MFHAS1: variants seen among roughly 807,000 people sequenced by gnomAD.
MFHAS1 encodes the protein multifunctional ROCO family signaling regulator 1, also known as malignant fibrous histiocytoma-amplified sequence 1.
MFHAS1 carries 50 observed loss-of-function variants against 70.4 expected under a neutral mutation model. The ratio of observed to expected loss-of-function variants is 0.71; its 90% CI spans 0.57 to 0.90. MFHAS1 has a LOEUF of 0.90. MFHAS1 is among the 40% of genes least tolerant of loss of function. The pLI is 0.00. For missense variants in MFHAS1, 1,795 were observed against 1,347.6 expected (o/e 1.33, Z -5.20); for synonymous variants, 952 against 620.0 (o/e 1.54, Z -7.96).
chr8:8,842,049 T>G (rs1471770077), intron 1 of MFHAS1, among the ~76,000 whole-genome samples: 1 of 152,160 alleles, frequency 6.6e-6, no homozygotes, highest in Non-Finnish European at 1.5e-5. Flanking sequence ...GGAGGCTGAG[T>G]GCCAACAAGG....
At chr8:8,861,852 G>A (rs1230017773) in intron 1 of MFHAS1, among the ~76,000 whole-genome samples, 1 of 152,130 alleles carries the variant, frequency 6.6e-6, no homozygotes, top group African/African-American at 2.4e-5. Context: ...CTTTCACTCA[G>A]CATAATGCTT....
At chr8:8,797,560 G>T in intron 1 of MFHAS1, 69 bp from the exon 2 acceptor site, 1 of 1,531,202 alleles carries the variant, frequency 6.5e-7, no homozygotes, top group Non-Finnish European at 8.9e-7. Flanking sequence ...TACAAAGACA[G>T]CACTGCCCGG....
At chr8:8,799,713 G>C (rs969506507) in intron 1 of MFHAS1, among the ~76,000 whole-genome samples, 3 of 152,204 alleles carry the variant, frequency 2.0e-5, no homozygotes, top group African/African-American at 7.2e-5. Flanking sequence ...CTGAGATCAG[G>C]CCACTGCACT....
Position 8,838,064 on chromosome 8 carries a change from C to G in MFHAS1, c.2999-40573G>C, listed in dbSNP as rs6601265. ...TCAGCTGGTGAATGGATAAATAAAC[C>G]GGCATATTCAGCAATAAGATGGATG... On this transcript the variant is annotated intron_variant, in intron 1 of 2. Transcript: ENST00000276282. 1.8e-4 allele frequency among the ~76,000 whole-genome samples: 28 copies of G among 152,102 alleles called. 1 individual carries two copies. Among genetic ancestry groups the G allele is most frequent in the African/African-American group, 6.8e-4 (28 of 41,426 alleles).
chr8:8,797,539 T>C (rs1243012093), intron 1 of MFHAS1, 48 bp from the exon 2 acceptor site: 1 of 1,584,046 alleles, frequency 6.3e-7, no homozygotes, highest in East Asian at 2.3e-5. Flanking sequence ...GCACTAAAAA[T>C]GGGCTCATTT....
rs1805438273 is a variant in MFHAS1 at position 8,783,699 on chromosome 8, C to T, written c.*2323G>A. 1 of 152,164 alleles carries T rather than the reference C, an allele frequency of 6.6e-6. No homozygotes were observed. The highest frequency in any genetic ancestry group is 1.5e-5 in the Non-Finnish European group (1 of 68,032). 9.4% of individuals were successfully genotyped at this position (152,164 alleles called of 1,614,324 possible). On this transcript the variant is annotated 3_prime_UTR_variant, in exon 3 of 3. Coordinates refer to ENST00000276282, the MANE Select transcript of MFHAS1 (RefSeq NM_004225.3). ...GCATTTGTTTGAGAGGCAAGGGACG[C>T]CTTGCTTAGAAAACATTCCTCTTGT...
intron 1 of MFHAS1, among the ~76,000 whole-genome samples, chr8:8,882,808 G>A (rs961640637): frequency 1.3e-5 from 2 of 152,220 alleles, no homozygotes; most frequent in African/African-American, 4.8e-5. Context: ...CCAGCCCCCA[G>A]AAGAAGGTAA....
chr8:8,785,965 A>G lies in MFHAS1; in HGVS notation c.*57T>C, dbSNP rs754134185. ...GCAGAGGGTCTGCCAGGTGCAAAAG[A>G]TGGTCCAGGTGTTCAGATGCTCTCT... On this transcript the variant is annotated 3_prime_UTR_variant, in exon 3 of 3. Coordinates refer to ENST00000276282, the MANE Select transcript of MFHAS1 (RefSeq NM_004225.3). The G allele has an allele frequency of 2.3e-5, 36 of 1,582,060 alleles. No individual in the cohort carries two copies. Among genetic ancestry groups the G allele is most frequent in the Non-Finnish European group, 3.1e-5 (36 of 1,151,162 alleles).
intron 1 of MFHAS1, among the ~76,000 whole-genome samples, chr8:8,844,284 A>G (rs549790474): frequency 6.6e-6 from 1 of 152,320 alleles, no homozygotes; most frequent in African/African-American, 2.4e-5. Context: ...CATTGTCTCA[A>G]TATTACTATT....
chr8:8,811,441 T>C (rs1806544934), intron 1 of MFHAS1, among the ~76,000 whole-genome samples: 1 of 152,040 alleles, frequency 6.6e-6, no homozygotes, highest in Admixed American at 6.5e-5. Context: ...ATACCTCATT[T>C]TTTTATTTTT....
At chr8:8,871,970 T>C (rs1473684617) in intron 1 of MFHAS1, among the ~76,000 whole-genome samples, 1 of 152,186 alleles carries the variant, frequency 6.6e-6, no homozygotes, top group Non-Finnish European at 1.5e-5. Context: ...ATCAACTCCC[T>C]GAGATGAAAA....
intron 1 of MFHAS1, among the ~76,000 whole-genome samples, chr8:8,873,565 G>C (rs974426229): frequency 6.6e-6 from 1 of 151,166 alleles, no homozygotes. Flanking sequence ...AAGGCAAAGA[G>C]TGTGGGTAAT....
At chr8:8,790,823 G>A (rs774901462) in intron 2 of MFHAS1, among the ~76,000 whole-genome samples, 1 of 152,172 alleles carries the variant, frequency 6.6e-6, no homozygotes, top group Non-Finnish European at 1.5e-5. Context: ...ACTTCATCCT[G>A]CTTTTTATGA....
At chr8:8,787,181 T>C (rs7015606) in intron 2 of MFHAS1, among the ~76,000 whole-genome samples, 104,958 of 151,376 alleles carry the variant, frequency 0.69, 36,836 homozygotes, top group East Asian at 0.85. Flanking sequence ...CCTGGGTTCA[T>C]GCCATTCTCC....
chr8:8,882,315 A>T (rs1450596783), intron 1 of MFHAS1, among the ~76,000 whole-genome samples: 1 of 152,086 alleles, frequency 6.6e-6, no homozygotes, highest in Non-Finnish European at 1.5e-5. Context: ...ACTTGAACCC[A>T]GGAGGTGGAG....
intron 1 of MFHAS1, among the ~76,000 whole-genome samples, chr8:8,872,255 G>A (rs1481776829): frequency 6.6e-6 from 1 of 152,154 alleles, no homozygotes; most frequent in African/African-American, 2.4e-5. Context: ...AAAGAGGAAT[G>A]TACACCGTTC....
chr8:8,891,389 T>C lies in MFHAS1; in HGVS notation c.1670A>G (p.Gln557Arg). ...GTCGTGCTTCTCCTGCAGGGCGATC[T>C]GGCGGTGAATGTCCAGACATTTCTC... is the stretch of plus-strand genomic sequence containing the variant. ...LEEKCLDIHR[Q>R]IALQEKHDAE... The change falls in exon 1 of 3, where the codon CAG becomes CGG. Residue 557 changes from glutamine (Q) to arginine (R), a missense_variant. Physicochemically the swap from Gln to Arg is conservative, Grantham distance 43. Coordinates refer to ENST00000276282, the MANE Select transcript of MFHAS1 (RefSeq NM_004225.3). This position sits in a 1 kb window ranked among gnomAD's most constrained non-coding sequence, Gnocchi z 5.4. 6.2e-7 allele frequency: 1 copy of C among 1,612,156 alleles called. No individual in the cohort carries two copies. The highest frequency in any genetic ancestry group is 8.5e-7 in the Non-Finnish European group (1 of 1,180,010).
Position 8,892,967 on chromosome 8 carries a change from T to C in MFHAS1, c.92A>G (p.Gln31Arg). The change falls in exon 1 of 3, where the codon CAG becomes CGG. Residue 31 changes from glutamine (Q) to arginine (R), a missense_variant. Gln to Arg is a conservative substitution (Grantham distance 43). Transcript: ENST00000276282. This position sits in a 1 kb window ranked among gnomAD's most constrained non-coding sequence, Gnocchi z 4.7. ...RARKLRSNLR[Q>R]LTLTAAGACP... ...GGCCCCGGCGGCGGTAAGCGTGAGC[T>C]GGCGCAGGTTGCTCCGCAGCTTCCT... 1.9e-6 allele frequency: 3 copies of C among 1,541,470 alleles called. No homozygotes were observed. Among genetic ancestry groups the C allele is most frequent in the Non-Finnish European group, 2.6e-6 (3 of 1,145,988 alleles).
intron 1 of MFHAS1, among the ~76,000 whole-genome samples, chr8:8,874,221 T>C (rs1375226206): frequency 3.3e-5 from 5 of 152,084 alleles, no homozygotes; most frequent in Non-Finnish European, 7.4e-5. Context: ...GAGAACGTAC[T>C]TAGTTTAACA....
Sources: gnomAD v4.1 joint callset for allele counts (sites outside exome capture counted in the v4.1 genomes callset) on GRCh38, gnomAD v4.1.1 for gene constraint, Gnocchi (gnomAD v3.1) non-coding constraint, MANE v1.5 for transcripts, NCBI Gene and HGNC (gene_info 2026-07-23, HGNC 2026-07-21) for gene names.